IPO11: variants seen among roughly 807,000 people sequenced by gnomAD.
IPO11 encodes the protein importin-11.
Under a neutral mutation model 143.2 loss-of-function variants are expected in IPO11, and 66 were observed. The observed-to-expected ratio is 0.46, with a 90% CI of 0.38 to 0.57. The LOEUF is 0.57. Among genes scored for constraint, IPO11 ranks in the 20% least tolerant of loss-of-function variants. The pLI, the probability that IPO11 is intolerant of heterozygous loss-of-function variation, is 0.00. For synonymous variants in IPO11, 385 were observed against 377.8 expected, an observed-to-expected ratio of 1.02 and a Z score of -0.22; for missense variants, 1,026 against 1,141.0, an observed-to-expected ratio of 0.90 and a Z score of 1.45.
chr5:62,580,807 C>T (rs1219333782), intron 27 of IPO11: 7 of 1,551,354 alleles, frequency 4.5e-6, no homozygotes, highest in East Asian at 2.4e-5. Context: ...TTTCTGGGAA[C>T]GAATTCCTAC....
chr5:62,455,340 T>G (rs774015377), intron 5 of IPO11, among the ~76,000 whole-genome samples: 6 of 152,022 alleles, frequency 3.9e-5, no homozygotes, highest in Non-Finnish European at 7.4e-5. Flanking sequence ...GGCAACATGG[T>G]GAAACCCTGT....
intron 29 of IPO11, among the ~76,000 whole-genome samples, chr5:62,604,804 GTT>G (rs1244534466): frequency 6.6e-6 from 1 of 152,144 alleles, no homozygotes; most frequent in African/African-American, 2.4e-5. Context: ...TACCACAGCA[GTT>G]TTTGACTGAA....
intron 29 of IPO11, among the ~76,000 whole-genome samples, chr5:62,612,809 C>T (rs1745974694): frequency 6.6e-6 from 1 of 152,200 alleles, no homozygotes; most frequent in South Asian, 2.1e-4. Flanking sequence ...TGAGAAACTA[C>T]TCTTGAAAGA....
At chr5:62,582,324 A>G (rs1483816482) in intron 27 of IPO11, among the ~76,000 whole-genome samples, 1 of 152,208 alleles carries the variant, frequency 6.6e-6, no homozygotes, top group African/African-American at 2.4e-5. Context: ...AAGTAAAATG[A>G]ACTGCCTTGG....
chr5:62,524,282 A>T (rs1470499017), intron 20 of IPO11, among the ~76,000 whole-genome samples: 1 of 152,128 alleles, frequency 6.6e-6, no homozygotes, highest in African/African-American at 2.4e-5. Flanking sequence ...TTAGTATTCT[A>T]CTATAATTAC....
At chr5:62,538,234 C>T (rs577032717) in intron 24 of IPO11, among the ~76,000 whole-genome samples, 146 of 152,236 alleles carry the variant, frequency 9.6e-4, no homozygotes, top group Non-Finnish European at 1.6e-3. Context: ...TACAGAAGTG[C>T]ACTTAGGTAA....
Position 62,545,384 on chromosome 5 carries a change from C to T in IPO11, c.2251-4983C>T, listed in dbSNP as rs540317912. On this transcript the variant is annotated intron_variant, in intron 24 of 29. Coordinates refer to ENST00000325324, the MANE Select transcript of IPO11 (RefSeq NM_016338.5). ...TATTTAATAAATGGTGCTGGGAAAA[C>T]TGGCTAGCCATATGTAGAAAGCTGA... 6.8e-3 allele frequency among the ~76,000 whole-genome samples: 1,042 copies of T among 152,320 alleles called. 3 individuals carry two copies. The highest frequency in any genetic ancestry group is 0.012 in the Non-Finnish European group (800 of 68,026).
Position 62,474,528 on chromosome 5 carries a change from CATTA to C in IPO11, c.757+67_757+70del, listed in dbSNP as rs1360046188. 1.3e-5 allele frequency: 14 copies of C among 1,099,870 alleles called. No homozygotes were observed. In the East Asian group the frequency reaches 3.0e-4, roughly 23 times the overall value. 68.1% of individuals were successfully genotyped at this position (1,099,870 alleles called of 1,614,324 possible). On this transcript the variant is annotated intron_variant, in intron 8 of 29. Transcript: ENST00000325324. ...TTTATTCATTAGTAGCTTATTCATT[CATTA>C]ATAGCTAGGATTAATGAGGGATTAA...
chr5:62,561,674 T>C (rs548479222), intron 27 of IPO11, among the ~76,000 whole-genome samples: 2 of 152,332 alleles, frequency 1.3e-5, no homozygotes, highest in Admixed American at 1.3e-4. Context: ...TTTCTTTTTA[T>C]TTTGGATTAT....
intron 27 of IPO11, among the ~76,000 whole-genome samples, chr5:62,572,399 G>A (rs906084421): frequency 4.6e-5 from 7 of 152,048 alleles, no homozygotes; most frequent in Admixed American, 1.3e-4. Context: ...ATACTTATCC[G>A]GAAGAGATGA....
intron 5 of IPO11, 95 bp downstream of exon 5, chr5:62,452,028 G>A: frequency 2.1e-6 from 2 of 952,374 alleles, no homozygotes; most frequent in Non-Finnish European, 3.3e-6. Context: ...GGAGGCCGAG[G>A]CGGGTGGATC....
rs530315767 is a variant in IPO11 at position 62,613,182 on chromosome 5, T to TCA, written c.2763+11339_2763+11340dup. Among the ~76,000 whole-genome samples the TCA allele has an allele frequency of 1.6e-4, 24 of 152,224 alleles. 1 individual carries two copies. In the East Asian group the frequency reaches 3.7e-3, roughly 23 times the overall value. ...AATGGCTTGTTCATATTTCCCTCTC[T>TCA]CACACATTTTTTTACTGGACATTTT... is the stretch of plus-strand genomic sequence containing the variant. On this transcript the variant is annotated intron_variant, in intron 29 of 29. Coordinates refer to ENST00000325324, the MANE Select transcript of IPO11 (RefSeq NM_016338.5).
chr5:62,432,681 T>C (rs1043797211), intron 1 of IPO11, among the ~76,000 whole-genome samples: 2 of 152,246 alleles, frequency 1.3e-5, no homozygotes, highest in Non-Finnish European at 2.9e-5. Flanking sequence ...GTTGTATCCC[T>C]GAGGAGAGGG....
chr5:62,519,762 A>G (rs1453984355), intron 20 of IPO11, among the ~76,000 whole-genome samples: 1 of 152,206 alleles, frequency 6.6e-6, no homozygotes, highest in Non-Finnish European at 1.5e-5. Context: ...GAATTCTCTG[A>G]TCAGAGTTTA....
intron 29 of IPO11, among the ~76,000 whole-genome samples, chr5:62,603,889 T>C (rs982561374): frequency 9.9e-5 from 15 of 152,228 alleles, no homozygotes; most frequent in Non-Finnish European, 4.4e-5. Context: ...GATAAGATAA[T>C]GATACCATAT....
intron 10 of IPO11, 139 bp from the exon 11 acceptor site, chr5:62,483,871 T>C: frequency 1.5e-6 from 1 of 677,882 alleles, no homozygotes; most frequent in Non-Finnish European, 2.4e-6. Flanking sequence ...CTTTGAGATT[T>C]GTTTATAATA....
intron 27 of IPO11, among the ~76,000 whole-genome samples, chr5:62,577,101 CATT>C (rs1236807908): frequency 1.3e-5 from 2 of 152,116 alleles, no homozygotes; most frequent in Non-Finnish European, 2.9e-5. Flanking sequence ...AATGAGGAAT[CATT>C]GTTGATCAGT....
At chr5:62,445,637 T>A (rs925292349) in intron 3 of IPO11, among the ~76,000 whole-genome samples, 1 of 152,164 alleles carries the variant, frequency 6.6e-6, no homozygotes, top group Non-Finnish European at 1.5e-5. Flanking sequence ...TAAATTAACA[T>A]GAGATATTTA....
At chr5:62,578,768 G>C in intron 27 of IPO11, 1 of 459,454 alleles carries the variant, frequency 2.2e-6, no homozygotes. Context: ...GTGAAGAGTG[G>C]TGTTTCCTGA....
Sources: allele counts gnomAD v4.1 joint callset (sites outside exome capture counted in the v4.1 genomes callset), GRCh38; gene constraint gnomAD v4.1.1; transcripts MANE v1.5; gene names NCBI Gene and HGNC (gene_info 2026-07-23, HGNC 2026-07-21).